The following RMDN2 variants were observed in gnomAD, a reference collection of about 807,000 sequenced individuals.
RMDN2 encodes regulator of microtubule dynamics protein 2.
Under a neutral mutation model 52.8 loss-of-function variants are expected in RMDN2, and 61 were observed. The ratio of observed to expected loss-of-function variants is 1.16; its 90% CI spans 0.94 to 1.43. The LOEUF (loss-of-function observed/expected upper bound fraction) is 1.43, where lower values mean the gene tolerates loss of function less well. RMDN2 is among the 40% of genes most tolerant of loss of function. The pLI, the probability that RMDN2 is intolerant of heterozygous loss-of-function variation, is 0.00. For synonymous variants in RMDN2, 180 were observed against 153.1 expected, an observed-to-expected ratio of 1.18 and a Z score of -1.30; for missense variants, 592 against 475.3, an observed-to-expected ratio of 1.25 and a Z score of -2.28.
chr2:38,053,879 A>C lies in RMDN2; in HGVS notation c.1714-13103A>C, dbSNP rs187479970. 1.2e-4 allele frequency among the ~76,000 whole-genome samples: 19 copies of C among 152,348 alleles called. No homozygotes were observed. The East Asian group carries it at 3.5e-3, about 28-fold the overall frequency. On this transcript the variant is annotated intron_variant, in intron 10 of 10. Transcript: ENST00000234195. ...TTTTTTCAAAGTTCCAGGTGACTCT[A>C]ATGTGCAGCCAGCACTGAAAACCTC... is the stretch of plus-strand genomic sequence containing the variant.
At chr2:37,997,760 G>C (rs1019723878) in intron 8 of RMDN2, 2 of 418,584 alleles carry the variant, frequency 4.8e-6, no homozygotes, top group East Asian at 9.8e-5. Context: ...TAACCCAGCA[G>C]CCTAAATGAA....
chr2:37,951,812 T>C, intron 2 of RMDN2: 2 of 1,613,662 alleles, frequency 1.2e-6, no homozygotes, highest in Non-Finnish European at 1.7e-6. Context: ...CTCCAGCCTT[T>C]GGGAACACTA....
rs901337588 is a variant in RMDN2, at chr2:37,959,811, A to G, written c.453-14229A>G. On this transcript the variant is annotated intron_variant, in intron 2 of 10. Coordinates refer to ENST00000354545, the MANE Select transcript of RMDN2 (RefSeq NM_001170791.3). ...TAGTGCTATAAATTTCCCTCTAATC[A>G]CTGCGTTAGCTGTGCCCCAGAGATT... Among the ~76,000 whole-genome samples the G allele has an allele frequency of 2.7e-5, 4 of 150,860 alleles. 1 individual carries two copies. Among genetic ancestry groups the G allele is most frequent in the African/African-American group, 1.0e-4 (4 of 40,184 alleles).
intron 10 of RMDN2, among the ~76,000 whole-genome samples, chr2:38,023,516 C>T (rs1429162840): frequency 6.6e-6 from 1 of 151,982 alleles, no homozygotes; most frequent in Non-Finnish European, 1.5e-5. Flanking sequence ...CCCGCCTTTT[C>T]CTTCCCCTCC....
At chr2:37,959,600 C>T (rs1669934083) in intron 2 of RMDN2, among the ~76,000 whole-genome samples, 1 of 150,876 alleles carries the variant, frequency 6.6e-6, no homozygotes. Flanking sequence ...AAAAAACCAG[C>T]TCCTGGATTC....
At chr2:37,939,243 C>A (rs1394528457) in intron 2 of RMDN2, among the ~76,000 whole-genome samples, 3 of 152,058 alleles carry the variant, frequency 2.0e-5, no homozygotes, top group Non-Finnish European at 2.9e-5. Flanking sequence ...AGTTTGATTC[C>A]ACTGTGGCCT....
At chr2:37,977,759 G>A (rs974675493) in intron 4 of RMDN2, among the ~76,000 whole-genome samples, 4 of 151,804 alleles carry the variant, frequency 2.6e-5, no homozygotes, top group South Asian at 2.1e-4. Flanking sequence ...CATCCCAGAC[G>A]ATGGGTGGCC....
intron 10 of RMDN2, chr2:38,035,877 A>G (rs1365105330): frequency 6.6e-6 from 1 of 152,200 alleles, no homozygotes; most frequent in East Asian, 1.9e-4. Flanking sequence ...TCACAACCGT[A>G]TCTGGACACA....
At chr2:37,926,188 T>C (rs1164609799) in intron 1 of RMDN2, among the ~76,000 whole-genome samples, 1 of 152,242 alleles carries the variant, frequency 6.6e-6, no homozygotes, top group East Asian at 1.9e-4. Context: ...ATTTTATATT[T>C]TTCTCCTCTA....
chr2:37,985,811 A>C (rs942644243), intron 5 of RMDN2, among the ~76,000 whole-genome samples: 6 of 152,206 alleles, frequency 3.9e-5, no homozygotes, highest in Admixed American at 3.3e-4. Flanking sequence ...ATGGAGAGAA[A>C]GATGTCAAAA....
At chr2:37,998,812 T>C (rs1018456567) in intron 8 of RMDN2, among the ~76,000 whole-genome samples, 1 of 152,088 alleles carries the variant, frequency 6.6e-6, no homozygotes, top group South Asian at 2.1e-4. Flanking sequence ...AAAAAGGGAG[T>C]CAATACCTCA....
chr2:37,999,015 A>G (rs925798298), intron 8 of RMDN2, among the ~76,000 whole-genome samples: 1 of 152,250 alleles, frequency 6.6e-6, no homozygotes, highest in African/African-American at 2.4e-5. Flanking sequence ...AAGATGCCAC[A>G]TTAACTAGCA....
chr2:37,932,225 G>C (rs1448234266), intron 2 of RMDN2, among the ~76,000 whole-genome samples: 2 of 149,500 alleles, frequency 1.3e-5, no homozygotes, highest in African/African-American at 4.9e-5. Flanking sequence ...CGCAGTGTTT[G>C]TGTCCCTGGG....
chr2:38,047,335 A>G (rs1429173616), intron 10 of RMDN2, among the ~76,000 whole-genome samples: 1 of 152,256 alleles, frequency 6.6e-6, no homozygotes, highest in Non-Finnish European at 1.5e-5. Context: ...CAAAGCAGCA[A>G]TATCTATAAT....
chr2:38,039,091 CACAGAGAG>C (rs67470326), intron 10 of RMDN2, among the ~76,000 whole-genome samples: 4,940 of 104,178 alleles, frequency 0.047, 127 homozygotes, highest in Non-Finnish European at 0.091. Flanking sequence ...CACACACACA[CACAGAGAG>C]AGAGATAAAA....
chr2:38,035,491 A>G (rs1680510446), intron 10 of RMDN2, among the ~76,000 whole-genome samples: 1 of 152,236 alleles, frequency 6.6e-6, no homozygotes, highest in African/African-American at 2.4e-5. Context: ...AATACTGAAG[A>G]AGTCAAGCAA....
At chr2:37,922,568 C>G (rs1666060889), upstream of RMDN2, among the ~76,000 whole-genome samples, 1 of 152,138 alleles carries the variant, frequency 6.6e-6, no homozygotes, top group Non-Finnish European at 1.5e-5. Flanking sequence ...TCCCAAGATA[C>G]AAAGATAAAT....
intron 10 of RMDN2, chr2:38,039,389 C>G (rs1048158223): frequency 6.6e-6 from 1 of 152,152 alleles, no homozygotes; most frequent in Non-Finnish European, 1.5e-5. Context: ...TTCCTGGGCA[C>G]CCCCAGGCAC....
At chr2:38,031,711 G>A (rs1434705068) in intron 10 of RMDN2, among the ~76,000 whole-genome samples, 1 of 152,126 alleles carries the variant, frequency 6.6e-6, no homozygotes, top group African/African-American at 2.4e-5. Context: ...ACAAAGAGAA[G>A]AAATTACTGG....
Sources: gnomAD v4.1 joint callset for allele counts (sites outside exome capture counted in the v4.1 genomes callset) on GRCh38, gnomAD v4.1.1 for gene constraint, MANE v1.5 for transcripts, NCBI Gene and HGNC (gene_info 2026-07-23, HGNC 2026-07-21) for gene names.